The following RELN variants were observed in gnomAD, a reference collection of about 807,000 sequenced individuals.
RELN encodes the protein reelin.
Under a neutral mutation model 427.6 loss-of-function variants are expected in RELN, and 108 were observed. The observed-to-expected ratio is 0.25, with a 90% CI of 0.22 to 0.30. The LOEUF (loss-of-function observed/expected upper bound fraction) is 0.30. Ranked by LOEUF, RELN falls within the 10% of genes least tolerant of loss-of-function variation. The pLI, the probability that RELN is intolerant of heterozygous loss-of-function variation, is 1.00. For synonymous variants in RELN, 1,524 were observed against 1,513.4 expected (o/e 1.01, Z -0.16); for missense variants, 3,715 against 4,302.8 (o/e 0.86, Z 3.82).
intron 4 of RELN, 119 bp downstream of exon 4, chr7:103,776,437 CT>C (rs1791744214): frequency 9.9e-7 from 1 of 1,011,322 alleles, no homozygotes; most frequent in African/African-American, 1.6e-5. Flanking sequence ...AGGGTCAATA[CT>C]TACATTTTTA....
chr7:103,674,288 C>A (rs1429199771), intron 11 of RELN, among the ~76,000 whole-genome samples: 1 of 152,160 alleles, frequency 6.6e-6, no homozygotes, highest in Non-Finnish European at 1.5e-5. Flanking sequence ...GCAGTGTACG[C>A]CCTTATCCTG....
At chr7:103,879,429 T>A (rs559678010) in intron 2 of RELN, among the ~76,000 whole-genome samples, 1 of 152,324 alleles carries the variant, frequency 6.6e-6, no homozygotes, top group Admixed American at 6.5e-5. Context: ...GATGTTTGAA[T>A]GAAGTGCTAT....
At chr7:103,678,935 C>T (rs1292616677) in intron 11 of RELN, among the ~76,000 whole-genome samples, 3 of 152,200 alleles carry the variant, frequency 2.0e-5, no homozygotes, top group Non-Finnish European at 4.4e-5. Context: ...GACAAATATT[C>T]GATTAACTGA....
chr7:103,485,470 T>C (rs1828403770), intron 61 of RELN, among the ~76,000 whole-genome samples: 2 of 152,236 alleles, frequency 1.3e-5, no homozygotes, highest in African/African-American at 4.8e-5. Flanking sequence ...TGAACACTTT[T>C]CAGCATTCAA....
Position 103,989,358 on chromosome 7 carries a change from C to CCGCCGA in RELN, c.-3_-2insTCGGCG, listed in dbSNP as rs2116860804. ...CCGGGCCCAGCCACTGCGCTCCATG[C>CCGCCGA]CGCCGCCGCCGCCGCCGCCGCCGCG... On this transcript the variant is annotated 5_prime_UTR_variant, in exon 1 of 65. Coordinates refer to ENST00000428762, the MANE Select transcript of RELN (RefSeq NM_005045.4). This position sits in a 1 kb window ranked among gnomAD's most constrained non-coding sequence, Gnocchi z 4.9. 7.9e-7 allele frequency: 1 copy of CCGCCGA among 1,265,226 alleles called. No homozygotes were observed. Among genetic ancestry groups the CCGCCGA allele is most frequent in the Non-Finnish European group, 1.0e-6 (1 of 970,400 alleles). 78.4% of individuals were successfully genotyped at this position (1,265,226 alleles called of 1,614,324 possible). A position where few individuals can be genotyped will look rare whatever the true frequency, so the allele number is the denominator to read the frequency against.
At chr7:103,881,331 G>C (rs959725490) in intron 2 of RELN, among the ~76,000 whole-genome samples, 1 of 152,006 alleles carries the variant, frequency 6.6e-6, no homozygotes, top group African/African-American at 2.4e-5. Flanking sequence ...CTTTGATTTT[G>C]GTGATAACCC....
At position 103,539,145 on chromosome 7, in the gene RELN, G is replaced by A. The variant is rs756738550; in HGVS notation, c.7113C>T (p.Ala2371=). 4.3e-6 allele frequency: 7 copies of A among 1,614,162 alleles called. No individual in the cohort carries two copies. The highest frequency in any genetic ancestry group is 1.1e-5 in the South Asian group (1 of 91,070). ...TCTGTAGGAAGGAATCCTCATTCAC[G>A]GCAACGTCTGTGCTGACCACGTAAC... ...STRYVVSTDV[A]VNEDSFLQID... is the part of the protein sequence containing the mutation. The change falls in exon 45 of 65, where the codon GCC becomes GCT. Residue 2371 remains alanine (A), a synonymous_variant. Transcript: ENST00000428762.
chr7:103,982,589 G>A (rs1304460924), intron 1 of RELN, among the ~76,000 whole-genome samples: 1 of 152,110 alleles, frequency 6.6e-6, no homozygotes, highest in African/African-American at 2.4e-5. Context: ...CAAGGACCAT[G>A]GCATGGAGTC....
intron 1 of RELN, among the ~76,000 whole-genome samples, chr7:103,962,203 CCTGCTCA>C (rs1425956558): frequency 5.3e-5 from 8 of 152,068 alleles, no homozygotes; most frequent in Non-Finnish European, 1.0e-4. Flanking sequence ...CATCCTGTTC[CCTGCTCA>C]CTGCCATCCT....
chr7:103,878,753 C>T (rs552498067), intron 2 of RELN, among the ~76,000 whole-genome samples: 1 of 152,276 alleles, frequency 6.6e-6, no homozygotes, highest in Admixed American at 6.5e-5. Context: ...AATTTATTTC[C>T]TTGTCTTCAA....
At chr7:103,502,331 TTA>T (rs1216491727) in intron 52 of RELN, among the ~76,000 whole-genome samples, 2 of 152,152 alleles carry the variant, frequency 1.3e-5, no homozygotes, top group Non-Finnish European at 2.9e-5. Context: ...CAAAGACTCT[TTA>T]TGTTTCACAA....
intron 2 of RELN, among the ~76,000 whole-genome samples, chr7:103,916,257 T>C (rs1378345937): frequency 6.6e-6 from 1 of 152,166 alleles, no homozygotes; most frequent in East Asian, 1.9e-4. Flanking sequence ...ACAAACATCA[T>C]AGAAAAAAAT....
chr7:103,679,521 C>A (rs994861304), intron 11 of RELN, among the ~76,000 whole-genome samples: 2 of 152,166 alleles, frequency 1.3e-5, no homozygotes, highest in African/African-American at 4.8e-5. Context: ...GTACCAGCTT[C>A]TTAACTGTGA....
chr7:103,589,011 A>T (rs1831346089), intron 28 of RELN, among the ~76,000 whole-genome samples: 1 of 152,106 alleles, frequency 6.6e-6, no homozygotes, highest in Non-Finnish European at 1.5e-5. Context: ...TGCAATGTTG[A>T]TGTTGTGTGT....
chr7:103,987,917 T>C (rs1002311476), intron 1 of RELN, among the ~76,000 whole-genome samples: 1 of 152,236 alleles, frequency 6.6e-6, no homozygotes, highest in African/African-American at 2.4e-5. Flanking sequence ...AGACGTTTAT[T>C]TAGGCTAAAT....
intron 1 of RELN, among the ~76,000 whole-genome samples, chr7:103,930,866 A>ATGTG (rs1491342869): frequency 4.6e-5 from 4 of 87,758 alleles, no homozygotes; most frequent in East Asian, 9.0e-4. Flanking sequence ...GGGTGTGAGC[A>ATGTG]TATGTGTGTG....
chr7:103,506,308 G>C (rs927538918), intron 51 of RELN, among the ~76,000 whole-genome samples: 1 of 152,150 alleles, frequency 6.6e-6, no homozygotes, highest in African/African-American at 2.4e-5. Context: ...GGCAGCAAGA[G>C]AGAAAGGTCG....
chr7:103,479,443 G>T (rs1343451916), intron 63 of RELN, among the ~76,000 whole-genome samples: 1 of 152,166 alleles, frequency 6.6e-6, no homozygotes, highest in Non-Finnish European at 1.5e-5. Flanking sequence ...TTGTAAGCTA[G>T]TGAGGCTGGA....
chr7:103,957,789 C>T (rs1796465636), intron 1 of RELN, among the ~76,000 whole-genome samples: 2 of 152,170 alleles, frequency 1.3e-5, no homozygotes, highest in African/African-American at 4.8e-5. Flanking sequence ...GTGATGCTCG[C>T]CCATCTGTGG....
Sources: allele counts gnomAD v4.1 joint callset (sites outside exome capture counted in the v4.1 genomes callset), GRCh38; gene constraint gnomAD v4.1.1; non-coding constraint Gnocchi (gnomAD v3.1); transcripts MANE v1.5; gene names NCBI Gene and HGNC (gene_info 2026-07-23, HGNC 2026-07-21).